Variants in ANO4 observed in about 807,000 individuals in gnomAD.
ANO4 encodes anoctamin 4, also known as anoctamin-4.
In ANO4, 69 loss-of-function variants were observed where a neutral mutation model predicts 141.9. That is an observed-to-expected ratio of 0.49 (90% CI 0.40 to 0.59). The LOEUF is 0.59. Ranked by LOEUF, ANO4 falls within the 20% of genes least tolerant of loss-of-function variation. ANO4 has a pLI of 0.00. For synonymous variants in ANO4, 350 were observed against 394.3 expected (o/e 0.89, Z 1.33); for missense variants, 894 against 1,162.2 (o/e 0.77, Z 3.36).
intron 2 of ANO4, among the ~76,000 whole-genome samples, chr12:100,909,905 A>G (rs1438814726): frequency 6.6e-6 from 1 of 152,244 alleles, no homozygotes; most frequent in Admixed American, 6.5e-5. Context: ...GCCAAATTAA[A>G]TACAATGTTC....
intron 7 of ANO4, among the ~76,000 whole-genome samples, chr12:100,986,440 A>C (rs553573748): frequency 1.3e-5 from 2 of 152,218 alleles, no homozygotes; most frequent in East Asian, 3.9e-4. Context: ...GTGAGGACCA[A>C]CTTCTTTACT....
intron 5 of ANO4, among the ~76,000 whole-genome samples, chr12:100,951,392 G>A (rs949857358): frequency 5.9e-5 from 9 of 152,124 alleles, no homozygotes; most frequent in East Asian, 1.9e-4. Flanking sequence ...ATGTATGTTC[G>A]CTGCAGCACT....
intron 1 of ANO4, among the ~76,000 whole-genome samples, chr12:100,881,265 C>A (rs1224416014): frequency 6.6e-6 from 1 of 150,386 alleles, no homozygotes; most frequent in East Asian, 1.9e-4. Flanking sequence ...GCACATGTAC[C>A]CTAAAACTTA....
At chr12:101,108,803 A>G (rs1451272196) in intron 22 of ANO4, among the ~76,000 whole-genome samples, 1 of 152,124 alleles carries the variant, frequency 6.6e-6, no homozygotes, top group Non-Finnish European at 1.5e-5. Context: ...TTATTTTGCA[A>G]GTTGCAAAAA....
rs552045210 is a variant in ANO4, at chr12:101,075,189, G to A, written c.1313-4004G>A. 7.9e-5 allele frequency among the ~76,000 whole-genome samples: 12 copies of A among 152,256 alleles called. No homozygotes were observed. The South Asian group carries it at 8.3e-4, about 11-fold the overall frequency. Reference sequence around the variant, plus strand: ...ACCCAAATAGGGAAAAACATTACTCGCTAAGGAAATGGTGTGGGCAAACTG... The same window carrying A: ...ACCCAAATAGGGAAAAACATTACTCACTAAGGAAATGGTGTGGGCAAACTG... On this transcript the variant is annotated intron_variant, in intron 14 of 27. Coordinates refer to ENST00000392977, the MANE Select transcript of ANO4 (RefSeq NM_001286615.2).
At chr12:100,783,744 C>T (rs933505298) in intron 3 of ANO4, among the ~76,000 whole-genome samples, 5 of 152,080 alleles carry the variant, frequency 3.3e-5, no homozygotes, top group South Asian at 2.1e-4. Context: ...GTTCTTGGAT[C>T]GGGAAGGCAA....
chr12:100,889,393 C>A (rs977233367), intron 1 of ANO4, among the ~76,000 whole-genome samples: 1 of 152,056 alleles, frequency 6.6e-6, no homozygotes, highest in African/African-American at 2.4e-5. Context: ...TGGGTATATA[C>A]CCAGTAATGG....
intron 5 of ANO4, among the ~76,000 whole-genome samples, chr12:100,951,703 A>G (rs541193903): frequency 6.6e-6 from 1 of 152,314 alleles, no homozygotes; most frequent in South Asian, 2.1e-4. Context: ...TTGCATTCCA[A>G]AGACTTATTA....
At chr12:101,100,417 A>G (rs2050145628) in intron 22 of ANO4, among the ~76,000 whole-genome samples, 1 of 152,184 alleles carries the variant, frequency 6.6e-6, no homozygotes, top group Non-Finnish European at 1.5e-5. Flanking sequence ...AGTAGAATTG[A>G]TGCTTAATGT....
chr12:100,821,792 C>T (rs80268979), intron 1 of ANO4, among the ~76,000 whole-genome samples: 1 of 152,006 alleles, frequency 6.6e-6, no homozygotes, highest in Non-Finnish European at 1.5e-5. Flanking sequence ...CAGTTATAAA[C>T]AGCAAGTTAA....
intron 8 of ANO4, among the ~76,000 whole-genome samples, chr12:101,019,092 G>T (rs1432089137): frequency 6.6e-6 from 1 of 152,132 alleles, no homozygotes; most frequent in Non-Finnish European, 1.5e-5. Context: ...GCTGGAGGAG[G>T]TGACTTCTGA....
At chr12:100,762,034 T>C (rs536256904) in intron 3 of ANO4, among the ~76,000 whole-genome samples, 205 of 152,316 alleles carry the variant, frequency 1.3e-3, no homozygotes, top group Non-Finnish European at 2.3e-3. Flanking sequence ...AGAGGCTTTA[T>C]TATTAATCAC....
chr12:100,795,676 C>T (rs2034262735), intron 1 of ANO4, among the ~76,000 whole-genome samples: 1 of 152,162 alleles, frequency 6.6e-6, no homozygotes, highest in East Asian at 1.9e-4. Flanking sequence ...TTCTGCAAAC[C>T]ATATTTTACA....
chr12:101,017,873 C>T (rs1249004409), intron 8 of ANO4, among the ~76,000 whole-genome samples: 1 of 152,150 alleles, frequency 6.6e-6, no homozygotes, highest in East Asian at 1.9e-4. Flanking sequence ...TATTCCTCTA[C>T]AGAACCTCCA....
chr12:101,102,229 T>G (rs2050221012), intron 22 of ANO4, among the ~76,000 whole-genome samples: 1 of 152,222 alleles, frequency 6.6e-6, no homozygotes, highest in Non-Finnish European at 1.5e-5. Context: ...ATGTTTTTAT[T>G]AAGAATTTAC....
intron 9 of ANO4, among the ~76,000 whole-genome samples, chr12:101,026,657 T>C (rs1368545275): frequency 6.6e-6 from 1 of 152,184 alleles, no homozygotes; most frequent in Non-Finnish European, 1.5e-5. Flanking sequence ...GGGTAAAGAA[T>C]TGACTTTTCA....
At chr12:100,780,278 A>G (rs11110516) in intron 3 of ANO4, among the ~76,000 whole-genome samples, 44,626 of 152,102 alleles carry the variant, frequency 0.29, 6,917 homozygotes, top group Middle Eastern at 0.35. Context: ...CACTCAGGAA[A>G]GAATTCAAGA....
chr12:100,758,834 T>A (rs769428849), intron 3 of ANO4, among the ~76,000 whole-genome samples: 7 of 152,182 alleles, frequency 4.6e-5, no homozygotes, highest in Admixed American at 2.0e-4. Context: ...TTCTGGTGAC[T>A]CCTGGAATTC....
chr12:100,981,884 T>C (rs2044479840), intron 7 of ANO4, among the ~76,000 whole-genome samples: 1 of 152,134 alleles, frequency 6.6e-6, no homozygotes, highest in South Asian at 2.1e-4. Flanking sequence ...CTAAGTTGGG[T>C]AAGATTATCT....
Sources: gnomAD v4.1 joint callset for allele counts (sites outside exome capture counted in the v4.1 genomes callset) on GRCh38, gnomAD v4.1.1 for gene constraint, MANE v1.5 for transcripts, NCBI Gene and HGNC (gene_info 2026-07-23, HGNC 2026-07-21) for gene names.